TNIK: variants seen among roughly 807,000 people sequenced by gnomAD.
TNIK encodes TRAF2 and NCK interacting kinase, also known as TRAF2 and NCK-interacting protein kinase.
In TNIK, 49 loss-of-function variants were observed where a neutral mutation model predicts 191.3. That is an observed-to-expected ratio of 0.26 (90% CI 0.20 to 0.32). TNIK has a LOEUF of 0.32. Ranked by LOEUF, TNIK falls within the 10% of genes least tolerant of loss-of-function variation. The pLI, the probability that TNIK is intolerant of heterozygous loss-of-function variation, is 1.00. For synonymous variants in TNIK, 594 were observed against 600.9 expected (o/e 0.99, Z 0.17); for missense variants, 1,155 against 1,702.3 (o/e 0.68, Z 5.66).
intron 27 of TNIK, among the ~76,000 whole-genome samples, chr3:171,081,280 G>A (rs1336699485): frequency 6.6e-6 from 1 of 152,048 alleles, no homozygotes; most frequent in Non-Finnish European, 1.5e-5. Context: ...AGGAAGTTTA[G>A]TGACAAGCAA....
intron 1 of TNIK, among the ~76,000 whole-genome samples, chr3:171,431,530 T>C (rs1032714955): frequency 6.6e-6 from 1 of 152,190 alleles, no homozygotes; most frequent in Non-Finnish European, 1.5e-5. Context: ...TAATATTCAA[T>C]TTTTTTAATG....
chr3:171,347,884 G>T (rs1439282030), intron 2 of TNIK, among the ~76,000 whole-genome samples: 1 of 152,148 alleles, frequency 6.6e-6, no homozygotes, highest in Non-Finnish European at 1.5e-5. Context: ...CTTCCTCTTT[G>T]CTAGAAATAG....
rs201179069 is a variant in TNIK, at chr3:171,110,832, C to T, written c.2166G>A (p.Leu722=). 4.4e-6 allele frequency: 7 copies of T among 1,605,186 alleles called. No individual in the cohort carries two copies. The Admixed American group carries it at 1.0e-4, about 23-fold the overall frequency. Residue 722 remains leucine, a synonymous_variant, in exon 19 of 33, where the codon TTG becomes TTA. Coordinates refer to ENST00000436636, the MANE Select transcript of TNIK (RefSeq NM_015028.4). The part of the protein sequence containing the change: ...RRTEPILESP[L]QRTSSGSSSS... ...AGGAACTGCCACTGCTGGTCCTCTG[C>T]AAGGGGCTCTCCAAGATGGGCTCAG...
chr3:171,331,859 A>T lies in TNIK; in HGVS notation c.123+37761T>A, dbSNP rs139413038. Among the ~76,000 whole-genome samples, 906 of 152,274 alleles carry T rather than the reference A, an allele frequency of 5.9e-3. 27 individuals carry two copies. The highest frequency in any genetic ancestry group is 0.058 in the South Asian group (280 of 4,814). On this transcript the variant is annotated intron_variant, in intron 2 of 32. Transcript: ENST00000436636. ...TACAATATACCTAAATGACTATGAA[A>T]AGCTATCTCGTGATAATATATGCTA...
At chr3:171,388,626 C>G (rs912522407) in intron 1 of TNIK, among the ~76,000 whole-genome samples, 11 of 152,196 alleles carry the variant, frequency 7.2e-5, no homozygotes, top group Admixed American at 5.2e-4. Flanking sequence ...TACACACACA[C>G]ACTACCTTTG....
chr3:171,340,953 C>T (rs771777863), intron 2 of TNIK, among the ~76,000 whole-genome samples: 1 of 151,416 alleles, frequency 6.6e-6, no homozygotes, highest in Non-Finnish European at 1.5e-5. Context: ...CTGTTCTCCT[C>T]CAAGAACAAA....
At chr3:171,267,640 CATCTT>C (rs1748553754) in intron 2 of TNIK, among the ~76,000 whole-genome samples, 1 of 152,180 alleles carries the variant, frequency 6.6e-6, no homozygotes, top group African/African-American at 2.4e-5. Context: ...CTATTAATAA[CATCTT>C]ATCGTAAGGA....
At chr3:171,433,093 C>T (rs114552190) in intron 1 of TNIK, among the ~76,000 whole-genome samples, 2,548 of 152,034 alleles carry the variant, frequency 0.017, 35 homozygotes, top group Admixed American at 0.039. Context: ...GTAATGGGGA[C>T]ATTAAAGGAT....
intron 2 of TNIK, among the ~76,000 whole-genome samples, chr3:171,234,047 T>G (rs958884513): frequency 6.6e-6 from 1 of 152,220 alleles, no homozygotes; most frequent in African/African-American, 2.4e-5. Context: ...GAAATTGGTT[T>G]TAGCTTTACT....
chr3:171,088,237 C>CTTTTTTTT (rs760417147), intron 23 of TNIK, among the ~76,000 whole-genome samples: 174 of 142,888 alleles, frequency 1.2e-3, no homozygotes, highest in African/African-American at 4.3e-3. Context: ...AAAGGTTTTT[C>CTTTTTTTT]TTTTTTTTTT....
At chr3:171,106,598 T>A (rs1374965855) in intron 21 of TNIK, 1 of 492,652 alleles carries the variant, frequency 2.0e-6, no homozygotes, top group Non-Finnish European at 4.3e-6. Context: ...TCATCCTTCT[T>A]AGCAAGCTAC....
At chr3:171,178,272 A>G (rs888647662) in intron 7 of TNIK, among the ~76,000 whole-genome samples, 1 of 152,234 alleles carries the variant, frequency 6.6e-6, no homozygotes, top group African/African-American at 2.4e-5. Context: ...CAGCAATTTC[A>G]TATGGTTTTA....
At chr3:171,117,298 C>T (rs1295289806) in intron 18 of TNIK, among the ~76,000 whole-genome samples, 1 of 152,124 alleles carries the variant, frequency 6.6e-6, no homozygotes, top group Admixed American at 6.5e-5. Flanking sequence ...GCAAGCTGCA[C>T]CCATGCTAAA....
intron 2 of TNIK, among the ~76,000 whole-genome samples, chr3:171,340,739 G>A (rs1042927814): frequency 1.3e-5 from 2 of 152,236 alleles, no homozygotes; most frequent in South Asian, 4.2e-4. Context: ...GAAGTGTACC[G>A]AATTGATTTC....
intron 1 of TNIK, among the ~76,000 whole-genome samples, chr3:171,387,738 C>T (rs776314189): frequency 5.9e-5 from 9 of 152,136 alleles, no homozygotes; most frequent in Non-Finnish European, 1.3e-4. Context: ...TGGCTTAAAT[C>T]AAAGCCACCT....
chr3:171,199,300 C>A (rs1235780891), intron 4 of TNIK, among the ~76,000 whole-genome samples: 1 of 151,968 alleles, frequency 6.6e-6, no homozygotes, highest in African/African-American at 2.4e-5. Flanking sequence ...CAGCAGGGAT[C>A]CTCCCTCCCC....
intron 2 of TNIK, among the ~76,000 whole-genome samples, chr3:171,299,335 C>T (rs1408923534): frequency 6.6e-6 from 1 of 152,044 alleles, no homozygotes; most frequent in Non-Finnish European, 1.5e-5. Flanking sequence ...GTGTGTGGGA[C>T]TAGGGAGGCA....
intron 2 of TNIK, among the ~76,000 whole-genome samples, chr3:171,321,112 C>T (rs890681560): frequency 3.9e-5 from 6 of 152,134 alleles, no homozygotes; most frequent in East Asian, 3.9e-4. Flanking sequence ...ACTGGAAGGA[C>T]GGAGAACAAC....
chr3:171,103,650 A>G (rs1723978261), intron 21 of TNIK, among the ~76,000 whole-genome samples: 1 of 152,296 alleles, frequency 6.6e-6, no homozygotes, highest in East Asian at 1.9e-4. Context: ...ATCAAAGAAT[A>G]CAGCTAGCAT....
Sources: allele counts gnomAD v4.1 joint callset (sites outside exome capture counted in the v4.1 genomes callset), GRCh38; gene constraint gnomAD v4.1.1; transcripts MANE v1.5; gene names NCBI Gene and HGNC (gene_info 2026-07-23, HGNC 2026-07-21).